The following ITPA variants were observed in gnomAD, a reference collection of about 807,000 sequenced individuals.
The protein encoded by ITPA is inosine triphosphatase.
A neutral mutation model predicts 29.6 loss-of-function variants in ITPA; 29 were observed. That is an observed-to-expected ratio of 0.98 (90% CI 0.73 to 1.34). ITPA has a LOEUF of 1.34. Among genes scored for constraint, ITPA ranks in the 40% most tolerant of loss-of-function variants. The pLI is 0.00. For missense variants in ITPA, 241 were observed against 251.5 expected (o/e 0.96, Z 0.28); for synonymous variants, 103 against 99.3 (o/e 1.04, Z -0.22).
At chr20:3,207,334 A>C (rs554429849), upstream of ITPA, among the ~76,000 whole-genome samples, 7 of 152,268 alleles carry the variant, frequency 4.6e-5, no homozygotes, top group Admixed American at 1.3e-4. Flanking sequence ...CAAGTGATCC[A>C]CTGTGCCCAA....
chr20:3,223,827 G>C lies in ITPA; in HGVS notation c.*365G>C. The C allele has an allele frequency of 3.8e-6, 1 of 264,972 alleles. No individual in the cohort carries two copies. 16.4% of individuals were successfully genotyped at this position (264,972 alleles called of 1,614,324 possible). On this transcript the variant is annotated 3_prime_UTR_variant, in exon 8 of 8. Coordinates refer to ENST00000380113, the MANE Select transcript of ITPA (RefSeq NM_033453.4). The stretch of plus-strand genomic sequence containing the variant: ...TAAATAACATTTCTGGATGAGACTT[G>C]TTTCCAAAATAAACCAGCTATATCT...
intron 6 of ITPA, among the ~76,000 whole-genome samples, chr20:3,220,249 G>T (rs1430390535): frequency 1.3e-5 from 2 of 151,906 alleles, no homozygotes; most frequent in Non-Finnish European, 2.9e-5. Flanking sequence ...GTAGAGACAG[G>T]GTTTCACTAT....
At chr20:3,207,648 C>T (rs958847665), upstream of ITPA, among the ~76,000 whole-genome samples, 6 of 151,492 alleles carry the variant, frequency 4.0e-5, no homozygotes, top group East Asian at 1.9e-4. Flanking sequence ...GAGCCGAGAT[C>T]GTGCCACTGC....
At chr20:3,206,000 G>C (rs1427242686), upstream of ITPA, among the ~76,000 whole-genome samples, 2 of 147,326 alleles carry the variant, frequency 1.4e-5, no homozygotes, top group Non-Finnish European at 3.0e-5. Flanking sequence ...ACGTTGCAGT[G>C]AGCCAAGATT....
intron 4 of ITPA, 50 bp downstream of exon 4, chr20:3,214,108 A>G (rs2067237230): frequency 4.6e-6 from 7 of 1,517,692 alleles, no homozygotes; most frequent in Non-Finnish European, 6.4e-6. Flanking sequence ...CAAAACCACC[A>G]GAACTGCAAA....
intron 1 of ITPA, among the ~76,000 whole-genome samples, chr20:3,210,177 T>C (rs917902735): frequency 1.3e-5 from 2 of 152,170 alleles, no homozygotes; most frequent in African/African-American, 4.8e-5. Flanking sequence ...AAAGTTTCTG[T>C]TTGCAGGGAC....
At position 3,223,798 on chromosome 20, in the gene ITPA, G is replaced by T; in HGVS notation, c.*336G>T. ...AAATCGCCTTCCATGGTTTTTAAAT[G>T]CAGTAAATAACATTTCTGGATGAGA... is the stretch of plus-strand genomic sequence containing the variant. On this transcript the variant is annotated 3_prime_UTR_variant, in exon 8 of 8. Coordinates refer to ENST00000380113, the MANE Select transcript of ITPA (RefSeq NM_033453.4). 1 of 368,954 alleles carries T rather than the reference G, an allele frequency of 2.7e-6. No individual in the cohort carries two copies. Among genetic ancestry groups the T allele is most frequent in the Non-Finnish European group, 5.1e-6 (1 of 196,180 alleles). 22.9% of individuals were successfully genotyped at this position (368,954 alleles called of 1,614,324 possible). A position where few individuals can be genotyped will look rare whatever the true frequency, so the allele number is the denominator to read the frequency against.
upstream of ITPA, among the ~76,000 whole-genome samples, chr20:3,205,259 C>T (rs1366337383): frequency 6.6e-6 from 1 of 151,704 alleles, no homozygotes; most frequent in Non-Finnish European, 1.5e-5. Flanking sequence ...TTCAGGATAG[C>T]GATTACCTCT....
intron 5 of ITPA, 134 bp downstream of exon 5, chr20:3,215,446 C>A: frequency 1.3e-6 from 1 of 760,492 alleles, no homozygotes. Flanking sequence ...CTCATTTTCC[C>A]CATCTAGCAC....
chr20:3,214,083 A>T (rs200812868), intron 4 of ITPA, 25 bp downstream of exon 4: 2 of 1,610,430 alleles, frequency 1.2e-6, no homozygotes. Context: ...CCACCCCCTT[A>T]CAGGGCGTCA....
At chr20:3,227,442 T>G (rs1427002214), downstream of ITPA, 1 of 332,558 alleles carries the variant, frequency 3.0e-6, no homozygotes, top group Non-Finnish European at 5.8e-6. Context: ...AGGAGCTTTA[T>G]TCTCTAATGT....
intron 5 of ITPA, among the ~76,000 whole-genome samples, chr20:3,218,283 C>T (rs1267591873): frequency 6.6e-6 from 1 of 152,202 alleles, no homozygotes; most frequent in African/African-American, 2.4e-5. Context: ...AGTTTTCTGA[C>T]TTTAAATAAA....
intron 4 of ITPA, 143 bp from the exon 5 acceptor site, chr20:3,215,137 GA>G: frequency 1.3e-6 from 1 of 777,444 alleles, no homozygotes; most frequent in South Asian, 1.5e-5. Context: ...AAAGTGCTGG[GA>G]TTATAGGCGG....
chr20:3,225,383 C>G (rs953102067), downstream of ITPA, among the ~76,000 whole-genome samples: 5 of 152,106 alleles, frequency 3.3e-5, no homozygotes, highest in Non-Finnish European at 7.4e-5. Context: ...GTCTCCACCC[C>G]CCGCCACACC....
At chr20:3,213,133 A>T (rs750285818) in intron 1 of ITPA, 36 bp from the exon 2 acceptor site, 2 of 1,590,324 alleles carry the variant, frequency 1.3e-6, no homozygotes, top group South Asian at 2.2e-5. Context: ...GAGAATCACT[A>T]GATGGTGATA....
intron 1 of ITPA, among the ~76,000 whole-genome samples, chr20:3,211,115 G>A (rs1351645759): frequency 6.6e-6 from 1 of 151,282 alleles, no homozygotes; most frequent in Non-Finnish European, 1.5e-5. Flanking sequence ...AGTAGCCAAG[G>A]GAGACTCCTT....
chr20:3,222,829 C>T (rs1433577365), intron 7 of ITPA, among the ~76,000 whole-genome samples: 2 of 152,222 alleles, frequency 1.3e-5, no homozygotes, highest in Non-Finnish European at 2.9e-5. Flanking sequence ...CGGAATATTT[C>T]TGTTCAGCGT....
rs2067312720 is a variant in ITPA at position 3,216,818 on chromosome 20, C to A, written c.295+1506C>A. Among the ~76,000 whole-genome samples the A allele has an allele frequency of 2.0e-5, 3 of 152,108 alleles. No homozygotes were observed. The South Asian group carries it at 6.2e-4, about 32-fold the overall frequency. On this transcript the variant is annotated intron_variant, in intron 5 of 7. Transcript: ENST00000380113. ...GGCCAGGCTAGTTTCAAACACCTGA[C>A]CTCAGGTGGTCCCACCTCGGCCTCC...
At chr20:3,213,029 G>T in intron 1 of ITPA, 140 bp from the exon 2 acceptor site, 1 of 865,430 alleles carries the variant, frequency 1.2e-6, no homozygotes. Flanking sequence ...CTGAAAGCCG[G>T]GGTGAGGCCC....
Sources: gnomAD v4.1 joint callset for allele counts (sites outside exome capture counted in the v4.1 genomes callset) on GRCh38, gnomAD v4.1.1 for gene constraint, MANE v1.5 for transcripts, NCBI Gene and HGNC (gene_info 2026-07-23, HGNC 2026-07-21) for gene names.